Variants in CCDC43 observed in about 807,000 individuals in gnomAD.
CCDC43 encodes coiled-coil domain-containing protein 43.
Under a neutral mutation model 33.3 loss-of-function variants are expected in CCDC43, and 20 were observed. The observed-to-expected ratio is 0.60, with a 90% CI of 0.42 to 0.87. The LOEUF is 0.87. Among genes scored for constraint, CCDC43 ranks in the 40% least tolerant of loss-of-function variants. The probability of loss-of-function intolerance (pLI) is 0.00; values close to 1 mark genes in which losing one functional copy is unlikely to be tolerated. For missense variants in CCDC43, 248 were observed against 269.9 expected, an observed-to-expected ratio of 0.92 and a Z score of 0.57; for synonymous variants, 104 against 106.5, an observed-to-expected ratio of 0.98 and a Z score of 0.14.
At chr17:44,681,682 T>C in intron 3 of CCDC43, 1 of 273,064 alleles carries the variant, frequency 3.7e-6, no homozygotes, top group South Asian at 4.5e-5. Flanking sequence ...CTACACTGTA[T>C]AGAAAAGTAT....
At chr17:44,679,588 C>A (rs189259639) in intron 4 of CCDC43, among the ~76,000 whole-genome samples, 5 of 152,166 alleles carry the variant, frequency 3.3e-5, no homozygotes, top group Non-Finnish European at 7.3e-5. Context: ...CACACTGAAT[C>A]TATAAGAGAT....
rs1259129824 is a variant in CCDC43 at position 44,678,818 on chromosome 17, G to C, written c.*38C>G. On this transcript the variant is annotated 3_prime_UTR_variant, in exon 5 of 5. Transcript: ENST00000315286. ...TAAATACACAACCAGTTCTCCCTTT[G>C]ATAAGTTCATGGGGGGAAAGAATAG... is the stretch of plus-strand genomic sequence containing the variant. 1 of 1,570,874 alleles carries C rather than the reference G, an allele frequency of 6.4e-7. No individual in the cohort carries two copies. The highest frequency in any genetic ancestry group is 8.6e-7 in the Non-Finnish European group (1 of 1,156,156).
chr17:44,682,391 T>TAAAA (rs67280453), intron 2 of CCDC43, among the ~76,000 whole-genome samples: 2 of 100,982 alleles, frequency 2.0e-5, no homozygotes, highest in East Asian at 3.1e-4. Flanking sequence ...TCTGCTGCCT[T>TAAAA]AAAAAAAAAA....
chr17:44,685,817 G>C (rs1307744225), intron 1 of CCDC43, among the ~76,000 whole-genome samples: 1 of 152,174 alleles, frequency 6.6e-6, no homozygotes, highest in Non-Finnish European at 1.5e-5. Flanking sequence ...ATTTATAGAA[G>C]AGGAAACCAA....
intron 4 of CCDC43, among the ~76,000 whole-genome samples, chr17:44,679,262 T>C (rs1156295883): frequency 6.6e-6 from 1 of 152,188 alleles, no homozygotes; most frequent in Non-Finnish European, 1.5e-5. Flanking sequence ...ATAAAACTCT[T>C]ATTCAGATTT....
At position 44,689,701 on chromosome 17, in the gene CCDC43, CCGCCATCGCCTT is replaced by C. The variant is rs780470085; in HGVS notation, c.41_52del (p.Glu14_Gly17del). The C allele has an allele frequency of 8.1e-6, 13 of 1,604,434 alleles. 1 individual carries two copies. Among genetic ancestry groups the C allele is most frequent in the Middle Eastern group, 1.7e-4 (1 of 6,050 alleles). On this transcript the variant is annotated inframe_deletion, in exon 1 of 5. Coordinates refer to ENST00000315286, the MANE Select transcript of CCDC43 (RefSeq NM_144609.3). ...CAGCCAGGAGCCAAAGCCGCCGCCT[CCGCCATCGCCTT>C]CGCCAGGGGCTATCGCGGCCACTTC...
rs1226271709 is a variant in CCDC43, at chr17:44,682,154, AG to A, written c.293-17del. 1 of 1,613,852 alleles carries A rather than the reference AG, an allele frequency of 6.2e-7. No individual in the cohort carries two copies. The highest frequency in any genetic ancestry group is 1.1e-5 in the South Asian group (1 of 91,080). On this transcript the variant is annotated splice_polypyrimidine_tract_variant and intron_variant, in intron 2 of 4. Coordinates refer to ENST00000315286, the MANE Select transcript of CCDC43 (RefSeq NM_144609.3). ...TGTACTTCATCTGGGAGGTGGTGGA[AG>A]GAAGAACAAGGTTGTATGAGAGAGA...
intron 1 of CCDC43, 136 bp from the exon 2 acceptor site, chr17:44,684,095 T>G: frequency 1.6e-6 from 1 of 633,568 alleles, no homozygotes; most frequent in Non-Finnish European, 2.8e-6. Flanking sequence ...CAATAGAGTA[T>G]GTTTCTTTTC....
chr17:44,684,780 T>G (rs1972211018), intron 1 of CCDC43, among the ~76,000 whole-genome samples: 1 of 152,080 alleles, frequency 6.6e-6, no homozygotes, highest in African/African-American at 2.4e-5. Flanking sequence ...TATTATTTAT[T>G]TATTATTATT....
rs1423289353 is a variant in CCDC43, at chr17:44,689,728, G to C, written c.26C>G (p.Ala9Gly). 2.5e-6 allele frequency: 4 copies of C among 1,579,888 alleles called. No individual in the cohort carries two copies. In the African/African-American group the frequency reaches 5.4e-5, roughly 21 times the overall value. MAAPSEVA[A>G]IAPGEGDGGG... Reference sequence around the variant, plus strand: ...GCCATCGCCTTCGCCAGGGGCTATCGCGGCCACTTCGCTGGGCGCCGCCAT... The same window carrying C: ...GCCATCGCCTTCGCCAGGGGCTATCCCGGCCACTTCGCTGGGCGCCGCCAT... Residue 9 changes from alanine (A) to glycine (G), a missense_variant, in exon 1 of 5, where the codon GCG becomes GGG. Ala to Gly is a moderately conservative substitution (Grantham distance 60, BLOSUM62 0). Coordinates refer to ENST00000315286, the MANE Select transcript of CCDC43 (RefSeq NM_144609.3).
At chr17:44,686,279 T>G (rs1170630521) in intron 1 of CCDC43, among the ~76,000 whole-genome samples, 2 of 152,202 alleles carry the variant, frequency 1.3e-5, no homozygotes, top group Non-Finnish European at 2.9e-5. Flanking sequence ...ATTATGTATA[T>G]CCTTATTTTG....
In CCDC43 at chr17:44,689,695, C is replaced by A; in HGVS notation, c.59G>T (p.Gly20Val). 4 of 1,606,814 alleles carry A rather than the reference C, an allele frequency of 2.5e-6. No individual in the cohort carries two copies. Among genetic ancestry groups the A allele is most frequent in the Non-Finnish European group, 3.4e-6 (4 of 1,177,030 alleles). ...IAPGEGDGGG[G>V]GFGSWLDGRL... is the part of the protein sequence containing the mutation. ...TCCGTCCAGCCAGGAGCCAAAGCCG[C>A]CGCCTCCGCCATCGCCTTCGCCAGG... The change falls in exon 1 of 5, where the codon GGC becomes GTC. Residue 20 changes from glycine to valine, a missense_variant. Transcript: ENST00000315286.
At chr17:44,681,256 G>A (rs1175863815) in intron 3 of CCDC43, among the ~76,000 whole-genome samples, 2 of 152,108 alleles carry the variant, frequency 1.3e-5, no homozygotes, top group South Asian at 2.1e-4. Flanking sequence ...GGCTAACATG[G>A]TGAAACACTG....
At chr17:44,689,397 C>T (rs1972288505) in intron 1 of CCDC43, 153 bp downstream of exon 1, 1 of 1,169,764 alleles carries the variant, frequency 8.5e-7, no homozygotes, top group African/African-American at 1.5e-5. Context: ...GGAGCAACCT[C>T]CTTCCCCCGC....
chr17:44,684,606 A>T (rs1972208752), intron 1 of CCDC43, among the ~76,000 whole-genome samples: 1 of 152,012 alleles, frequency 6.6e-6, no homozygotes. Flanking sequence ...CTGAGGCACA[A>T]GAATAACTTG....
chr17:44,686,777 C>G (rs930312276), intron 1 of CCDC43, among the ~76,000 whole-genome samples: 2 of 152,144 alleles, frequency 1.3e-5, no homozygotes, highest in African/African-American at 4.8e-5. Context: ...GAATTTCTAT[C>G]TGTTTTATTC....
At chr17:44,686,266 CTTA>C (rs757168943) in intron 1 of CCDC43, among the ~76,000 whole-genome samples, 10 of 152,276 alleles carry the variant, frequency 6.6e-5, no homozygotes, top group Middle Eastern at 6.8e-3. Flanking sequence ...AGAACACAGA[CTTA>C]TTATGTATAT....
At chr17:44,687,534 G>A (rs1291411518) in intron 1 of CCDC43, 1 of 151,970 alleles carries the variant, frequency 6.6e-6, no homozygotes, top group Admixed American at 6.6e-5. Context: ...TGATGAGAGG[G>A]GATTGCTTGA....
At chr17:44,681,302 G>C (rs1972157898) in intron 3 of CCDC43, among the ~76,000 whole-genome samples, 1 of 152,134 alleles carries the variant, frequency 6.6e-6, no homozygotes, top group Non-Finnish European at 1.5e-5. Flanking sequence ...GCTGGGCGTG[G>C]TGGCACGTGC....
Sources: gnomAD v4.1 joint callset for allele counts (sites outside exome capture counted in the v4.1 genomes callset) on GRCh38, gnomAD v4.1.1 for gene constraint, MANE v1.5 for transcripts, NCBI Gene and HGNC (gene_info 2026-07-23, HGNC 2026-07-21) for gene names.